CHRM3: variants seen among roughly 807,000 people sequenced by gnomAD.
The protein encoded by CHRM3 is cholinergic receptor muscarinic 3, also known as muscarinic acetylcholine receptor M3.
In CHRM3, 11 loss-of-function variants were observed where a neutral mutation model predicts 41.8. That is an observed-to-expected ratio of 0.26 (90% CI 0.17 to 0.44). The LOEUF (loss-of-function observed/expected upper bound fraction) is 0.44, where lower values mean the gene tolerates loss of function less well. CHRM3 is among the 20% of genes least tolerant of loss of function. The pLI is 1.00. For missense variants in CHRM3, 571 were observed against 745.4 expected (o/e 0.77, Z 2.72); for synonymous variants, 297 against 301.4 (o/e 0.99, Z 0.15).
chr1:239,714,964 C>G (rs1239058179), intron 5 of CHRM3, among the ~76,000 whole-genome samples: 1 of 151,972 alleles, frequency 6.6e-6, no homozygotes, highest in African/African-American at 2.4e-5. Flanking sequence ...GAAAAACTTG[C>G]TAAAAGGTAG....
intron 1 of CHRM3, among the ~76,000 whole-genome samples, chr1:239,488,577 T>C (rs192607294): frequency 6.6e-6 from 1 of 151,392 alleles, no homozygotes; most frequent in African/African-American, 2.4e-5. Flanking sequence ...TAGCTGTGTG[T>C]GGTGGCAGGC....
intron 5 of CHRM3, among the ~76,000 whole-genome samples, chr1:239,749,945 G>A (rs951667027): frequency 3.9e-5 from 6 of 152,168 alleles, no homozygotes; most frequent in Admixed American, 3.3e-4. Flanking sequence ...ATAATACCAC[G>A]GCTTTGAATC....
At chr1:239,584,721 C>A (rs1202187692) in intron 3 of CHRM3, among the ~76,000 whole-genome samples, 2 of 151,970 alleles carry the variant, frequency 1.3e-5, no homozygotes, top group Non-Finnish European at 2.9e-5. Context: ...TCATTAGAGT[C>A]CAGATTTAGC....
chr1:239,713,762 G>T (rs566651047), intron 5 of CHRM3, among the ~76,000 whole-genome samples: 50 of 152,262 alleles, frequency 3.3e-4, no homozygotes, highest in African/African-American at 1.1e-3. Flanking sequence ...TGTTGCTGAG[G>T]CACAATTATG....
chr1:239,833,355 T>C (rs910944257), intron 6 of CHRM3, among the ~76,000 whole-genome samples: 10 of 152,194 alleles, frequency 6.6e-5, no homozygotes, highest in Non-Finnish European at 1.5e-4. Flanking sequence ...CTAGGATGAA[T>C]ATAGTCTAGA....
At chr1:239,580,162 A>G (rs147619029) in intron 3 of CHRM3, among the ~76,000 whole-genome samples, 1,875 of 151,646 alleles carry the variant, frequency 0.012, 45 homozygotes, top group African/African-American at 0.043. Flanking sequence ...CATTAAGAGA[A>G]TTTGTGAATA....
At chr1:239,812,945 G>A (rs1227368375) in intron 5 of CHRM3, among the ~76,000 whole-genome samples, 1 of 152,158 alleles carries the variant, frequency 6.6e-6, no homozygotes, top group Non-Finnish European at 1.5e-5. Flanking sequence ...TTCCTGAACG[G>A]TCTCTTGCAG....
At chr1:239,501,391 C>T (rs1173211104) in intron 2 of CHRM3, among the ~76,000 whole-genome samples, 1 of 152,166 alleles carries the variant, frequency 6.6e-6, no homozygotes, top group Non-Finnish European at 1.5e-5. Context: ...AAACTAGCCT[C>T]AATAAATCTA....
intron 1 of CHRM3, among the ~76,000 whole-genome samples, chr1:239,427,644 A>T (rs1185867325): frequency 6.6e-6 from 1 of 152,012 alleles, no homozygotes; most frequent in Non-Finnish European, 1.5e-5. Context: ...CAGGGTCAAG[A>T]AGGGTGGATG....
intron 5 of CHRM3, among the ~76,000 whole-genome samples, chr1:239,712,660 C>T (rs1309459960): frequency 1.3e-5 from 2 of 152,160 alleles, no homozygotes; most frequent in Non-Finnish European, 2.9e-5. Context: ...AGCTGTTTCC[C>T]TTAGAAATCT....
intron 5 of CHRM3, among the ~76,000 whole-genome samples, chr1:239,695,458 G>GC (rs1660097928): frequency 6.6e-6 from 1 of 152,074 alleles, no homozygotes; most frequent in South Asian, 2.1e-4. Flanking sequence ...TTGGCACATT[G>GC]ATATTACTTG....
At chr1:239,503,139 A>G (rs1335123508) in intron 2 of CHRM3, among the ~76,000 whole-genome samples, 1 of 152,160 alleles carries the variant, frequency 6.6e-6, no homozygotes, top group Non-Finnish European at 1.5e-5. Context: ...TGTTGAAGAT[A>G]TGATCATTTA....
intron 3 of CHRM3, among the ~76,000 whole-genome samples, chr1:239,581,670 C>A (rs538143367): frequency 6.6e-6 from 1 of 152,080 alleles, no homozygotes; most frequent in Non-Finnish European, 1.5e-5. Context: ...ATCTTAATAA[C>A]ATTTTCTTAT....
intron 3 of CHRM3, among the ~76,000 whole-genome samples, chr1:239,575,796 T>TAA (rs143075916): frequency 1.3e-5 from 2 of 148,702 alleles, no homozygotes; most frequent in East Asian, 2.0e-4. Context: ...TATATAATGG[T>TAA]AAAAAAAAAA....
At chr1:239,596,701 T>C (rs1415880411) in intron 3 of CHRM3, among the ~76,000 whole-genome samples, 2 of 152,208 alleles carry the variant, frequency 1.3e-5, no homozygotes, top group African/African-American at 2.4e-5. Flanking sequence ...TGTAGCAATG[T>C]ATATTTCAGT....
intron 1 of CHRM3, among the ~76,000 whole-genome samples, chr1:239,414,014 A>G (rs1219292530): frequency 6.6e-6 from 1 of 152,220 alleles, no homozygotes; most frequent in African/African-American, 2.4e-5. Context: ...TTCCTGATGG[A>G]AAGAATTTGA....
At chr1:239,653,210 G>C (rs1361376338) in intron 4 of CHRM3, among the ~76,000 whole-genome samples, 3 of 152,122 alleles carry the variant, frequency 2.0e-5, no homozygotes, top group African/African-American at 7.2e-5. Flanking sequence ...CCTAAGAGGA[G>C]GCATCACGAG....
intron 3 of CHRM3, among the ~76,000 whole-genome samples, chr1:239,554,464 G>C (rs12130194): frequency 0.37 from 56,166 of 151,762 alleles, 12,155 homozygotes; most frequent in East Asian, 0.6. Context: ...GTGTGTGTGT[G>C]TGTGTGTATG....
At chr1:239,691,392 A>G (rs1189545197) in intron 5 of CHRM3, among the ~76,000 whole-genome samples, 1 of 152,140 alleles carries the variant, frequency 6.6e-6, no homozygotes, top group African/African-American at 2.4e-5. Context: ...ACATGTTGTT[A>G]GAACATTTTC....
Sources: gnomAD v4.1 joint callset for allele counts (sites outside exome capture counted in the v4.1 genomes callset) on GRCh38, gnomAD v4.1.1 for gene constraint, MANE v1.5 for transcripts, NCBI Gene and HGNC (gene_info 2026-07-23, HGNC 2026-07-21) for gene names.